The following EHMT1 variants were observed in gnomAD, a reference collection of about 807,000 sequenced individuals.
EHMT1 encodes the protein histone-lysine N-methyltransferase EHMT1.
Under a neutral mutation model 147.2 loss-of-function variants are expected in EHMT1, and 15 were observed. The ratio of observed to expected loss-of-function variants is 0.10; its 90% CI spans 0.07 to 0.16. The LOEUF (loss-of-function observed/expected upper bound fraction) is 0.16. Among genes scored for constraint, EHMT1 ranks in the 10% least tolerant of loss-of-function variants. The pLI, the probability that EHMT1 is intolerant of heterozygous loss-of-function variation, is 1.00. For synonymous variants in EHMT1, 795 were observed against 709.6 expected (o/e 1.12, Z -1.91); for missense variants, 1,587 against 1,772.4 (o/e 0.90, Z 1.88).
At chr9:137,709,372 CA>C (rs1944502159) in intron 1 of EHMT1, among the ~76,000 whole-genome samples, 1 of 152,126 alleles carries the variant, frequency 6.6e-6, no homozygotes, top group African/African-American at 2.4e-5. Flanking sequence ...AGTGGGAGAT[CA>C]GGGGGTGGGA....
At chr9:137,792,766 T>A (rs888498139) in intron 16 of EHMT1, among the ~76,000 whole-genome samples, 3 of 152,178 alleles carry the variant, frequency 2.0e-5, no homozygotes, top group Non-Finnish European at 4.4e-5. Context: ...ACCAGAACAC[T>A]CTTTGAAGAA....
intron 2 of EHMT1, chr9:137,715,432 C>A: frequency 3.4e-6 from 2 of 579,830 alleles, no homozygotes; most frequent in Non-Finnish European, 4.4e-6. Context: ...GGCATTTGCG[C>A]TCATAGGACT....
At chr9:137,806,941 T>C (rs183984359) in intron 18 of EHMT1, among the ~76,000 whole-genome samples, 21 of 152,256 alleles carry the variant, frequency 1.4e-4, no homozygotes, top group Non-Finnish European at 2.4e-4. Flanking sequence ...ATGGCTGCTT[T>C]TAAAATGTTT....
chr9:137,665,150 A>C (rs1423248346), intron 1 of EHMT1, among the ~76,000 whole-genome samples: 1 of 152,214 alleles, frequency 6.6e-6, no homozygotes, highest in Non-Finnish European at 1.5e-5. Flanking sequence ...TTTATTTTGC[A>C]GTTTGCCTGG....
At chr9:137,745,795 C>T (rs1296082845) in intron 6 of EHMT1, 1 of 356,896 alleles carries the variant, frequency 2.8e-6, no homozygotes, top group Non-Finnish European at 5.0e-6. Context: ...CAGTGTAGCA[C>T]TTTGATGTCA....
At chr9:137,777,684 C>T (rs1199148908) in intron 12 of EHMT1, among the ~76,000 whole-genome samples, 198 bp from the exon 13 acceptor site, 1 of 152,072 alleles carries the variant, frequency 6.6e-6, no homozygotes, top group Non-Finnish European at 1.5e-5. Context: ...GAACACGCTG[C>T]CCAGAAGTCT....
At chr9:137,717,210 C>T in intron 3 of EHMT1, 28 bp downstream of exon 3, 2 of 1,608,894 alleles carry the variant, frequency 1.2e-6, no homozygotes, top group East Asian at 2.2e-5. Context: ...CTTGCTGTTT[C>T]CTTTTTCCCA....
rs1426557066 is a variant in EHMT1 at position 137,732,774 on chromosome 9, T to C, written c.823+4245T>C. ...AGGAATTTGTCTGCCATTATCACTT[T>C]TATTTCTTCAACTGTCACTCCATTG... On this transcript the variant is annotated intron_variant, in intron 4 of 26. Transcript: ENST00000460843. This position sits in a 1 kb window ranked among gnomAD's most constrained non-coding sequence, Gnocchi z 4.6. 8.5e-5 allele frequency among the ~76,000 whole-genome samples: 13 copies of C among 152,280 alleles called. No homozygotes were observed. The highest frequency in any genetic ancestry group is 2.9e-5 in the Non-Finnish European group (2 of 68,016).
rs1230679088 is a variant in EHMT1, at chr9:137,834,412, C to T, written c.3604C>T (p.His1202Tyr). 1 of 1,613,368 alleles carries T rather than the reference C, an allele frequency of 6.2e-7. No individual in the cohort carries two copies. The highest frequency in any genetic ancestry group is 2.2e-5 in the East Asian group (1 of 44,876). Residue 1202 changes from histidine to tyrosine, a missense_variant, in exon 26 of 27, where the codon CAC becomes TAC. His to Tyr is a moderately conservative substitution (Grantham distance 83, BLOSUM62 2). This residue lies in a region of EHMT1 where 141 missense variants were observed against 150.8 expected (regional missense o/e 0.94). Transcript: ENST00000460843. ...YGNVSRFINH[H>Y]CEPNLVPVRV... Reference sequence around the variant, plus strand: ...GAACGTCAGCCGGTTCATCAACCACCACTGCGAGCCCAACCTGGTGCCCGT... The same window carrying T: ...GAACGTCAGCCGGTTCATCAACCACTACTGCGAGCCCAACCTGGTGCCCGT...
intron 9 of EHMT1, among the ~76,000 whole-genome samples, chr9:137,760,868 C>T (rs936674304): frequency 2.0e-5 from 3 of 152,138 alleles, no homozygotes; most frequent in Admixed American, 2.0e-4. Context: ...ATTAGCCAGG[C>T]GTGGTGGCGG....
intron 1 of EHMT1, among the ~76,000 whole-genome samples, chr9:137,676,696 T>A (rs949854707): frequency 1.3e-5 from 2 of 152,190 alleles, no homozygotes; most frequent in Non-Finnish European, 1.5e-5. Context: ...GGAGTCCGCA[T>A]GAGCAGTGGG....
chr9:137,772,280 G>C (rs1451868281), intron 10 of EHMT1, among the ~76,000 whole-genome samples: 1 of 152,164 alleles, frequency 6.6e-6, no homozygotes, highest in Non-Finnish European at 1.5e-5. Flanking sequence ...GGTAATTTTT[G>C]AAATTAGGCA....
chr9:137,790,977 TC>T lies in EHMT1; in HGVS notation c.2505+11del. 6 of 1,614,186 alleles carry T rather than the reference TC, an allele frequency of 3.7e-6. No individual in the cohort carries two copies. The highest frequency in any genetic ancestry group is 5.1e-6 in the Non-Finnish European group (6 of 1,180,040). On this transcript the variant is annotated splice_region_variant and intron_variant, in intron 16 of 26. Transcript: ENST00000460843. ...GGCCCTGGTGGATCCCAAGGTATGT[TC>T]CCCTGTCAGAATCAACGTCCTAGTG... is the stretch of plus-strand genomic sequence containing the variant.
At chr9:137,711,086 C>CCTG (rs1944669714) in intron 2 of EHMT1, 56 bp downstream of exon 2, 10 of 1,522,112 alleles carry the variant, frequency 6.6e-6, no homozygotes, top group Non-Finnish European at 8.0e-6. Flanking sequence ...GACTAGAAAA[C>CCTG]CTGCTGCTCT....
intron 18 of EHMT1, among the ~76,000 whole-genome samples, chr9:137,805,376 A>G (rs1465090699): frequency 1.3e-5 from 2 of 152,076 alleles, no homozygotes; most frequent in African/African-American, 4.8e-5. Context: ...AGTCATCCGC[A>G]TGTGTGAGCC....
At chr9:137,753,359 CA>C (rs1949127108) in intron 7 of EHMT1, among the ~76,000 whole-genome samples, 1 of 152,168 alleles carries the variant, frequency 6.6e-6, no homozygotes, top group African/African-American at 2.4e-5. Context: ...GCTAGATTTC[CA>C]GCAGCAGCAG....
intron 18 of EHMT1, among the ~76,000 whole-genome samples, chr9:137,808,864 A>C (rs1954174349): frequency 6.6e-6 from 1 of 152,232 alleles, no homozygotes; most frequent in East Asian, 1.9e-4. Context: ...CAGAGGTTGC[A>C]GTGAACCAAG....
At chr9:137,628,843 CCTT>C (rs1282007726) in intron 1 of EHMT1, among the ~76,000 whole-genome samples, 2 of 152,224 alleles carry the variant, frequency 1.3e-5, no homozygotes, top group African/African-American at 4.8e-5. Flanking sequence ...GCCCTGGTTT[CCTT>C]CTTCTGCTTC....
chr9:137,774,079 C>G (rs186276198), intron 10 of EHMT1, among the ~76,000 whole-genome samples: 1 of 152,334 alleles, frequency 6.6e-6, no homozygotes, highest in Non-Finnish European at 1.5e-5. Flanking sequence ...TGCTCCTTGC[C>G]TTGTGTGCAG....
Sources: gnomAD v4.1 joint callset for allele counts (sites outside exome capture counted in the v4.1 genomes callset) on GRCh38, gnomAD v4.1.1 for gene constraint, gnomAD v4.1.1 regional missense constraint, Gnocchi (gnomAD v3.1) non-coding constraint, MANE v1.5 for transcripts, NCBI Gene and HGNC (gene_info 2026-07-23, HGNC 2026-07-21) for gene names.